The following PFKFB3 variants were observed in gnomAD, a reference collection of about 807,000 sequenced individuals.
PFKFB3 encodes the protein 6-phosphofructo-2-kinase/fructose-2,6-biphosphatase 3.
In PFKFB3, 33 loss-of-function variants were observed where a neutral mutation model predicts 68.0. The observed-to-expected ratio is 0.49, with a 90% CI of 0.37 to 0.65. PFKFB3 has a LOEUF of 0.65. PFKFB3 is among the 30% of genes least tolerant of loss of function. The pLI is 0.00. For synonymous variants in PFKFB3, 315 were observed against 288.2 expected (o/e 1.09, Z -0.94); for missense variants, 586 against 712.2 (o/e 0.82, Z 2.02).
the PFKFB3 span, among the ~76,000 whole-genome samples, chr10:6,287,726 G>A: frequency 2.6e-5 from 4 of 152,060 alleles, no homozygotes; most frequent in African/African-American, 9.7e-5. Context: ...TTATATGATT[G>A]CTGTCATTAA....
chr10:6,237,525 C>T (rs1208995546), downstream of PFKFB3, among the ~76,000 whole-genome samples: 3 of 152,206 alleles, frequency 2.0e-5, no homozygotes, highest in African/African-American at 7.2e-5. Flanking sequence ...AAATTCAAAG[C>T]CTTCTGTGAG....
At chr10:6,165,978 CTTTTT>C (rs35266127) in intron 1 of PFKFB3, among the ~76,000 whole-genome samples, 1 of 124,890 alleles carries the variant, frequency 8.0e-6, no homozygotes. Context: ...CCAGGCTCAA[CTTTTT>C]TTTTTTTTTT....
At chr10:6,198,467 A>T (rs1224449183), upstream of PFKFB3, among the ~76,000 whole-genome samples, 1 of 152,160 alleles carries the variant, frequency 6.6e-6, no homozygotes, top group Admixed American at 6.5e-5. Context: ...GGAGAAAAAT[A>T]TATGATATTT....
chr10:6,249,222 T>C (rs991501223), intron 14 of PFKFB3, among the ~76,000 whole-genome samples: 1 of 150,706 alleles, frequency 6.6e-6, no homozygotes, highest in African/African-American at 2.4e-5. Flanking sequence ...AAGGAAACCC[T>C]TGTACACTGT....
the PFKFB3 span, among the ~76,000 whole-genome samples, chr10:6,281,995 G>A: frequency 0.012 from 1,690 of 145,072 alleles, 29 homozygotes; most frequent in African/African-American, 0.041. Flanking sequence ...GTCTCACTAT[G>A]TTGCTCAGGC....
chr10:6,232,841 C>T (rs1845827440), intron 14 of PFKFB3, 54 bp from the exon 15 acceptor site: 3 of 1,384,346 alleles, frequency 2.2e-6, no homozygotes, highest in South Asian at 2.3e-5. Flanking sequence ...CTTTAGAATT[C>T]AGCCAGCTAC....
chr10:6,200,494 G>A (rs1454298864), upstream of PFKFB3, among the ~76,000 whole-genome samples: 1 of 152,042 alleles, frequency 6.6e-6, no homozygotes, highest in African/African-American at 2.4e-5. Flanking sequence ...TTGTTTATAA[G>A]TGATTTTGTA....
chr10:6,311,841 G>T, the PFKFB3 span, among the ~76,000 whole-genome samples: 1 of 152,218 alleles, frequency 6.6e-6, no homozygotes, highest in South Asian at 2.1e-4. Flanking sequence ...GCCTGAAAGT[G>T]TCGAAGTCAG....
the PFKFB3 span, among the ~76,000 whole-genome samples, chr10:6,282,153 G>T: frequency 6.6e-6 from 1 of 152,032 alleles, no homozygotes; most frequent in African/African-American, 2.4e-5. Flanking sequence ...TCATGAAAAT[G>T]ATCACAATGG....
At chr10:6,290,789 C>G in the PFKFB3 span, among the ~76,000 whole-genome samples, 1 of 152,182 alleles carries the variant, frequency 6.6e-6, no homozygotes, top group Non-Finnish European at 1.5e-5. Flanking sequence ...CAGGCATAAG[C>G]CACCACGCCT....
In PFKFB3 at chr10:6,228,001, G is replaced by A. The variant is rs767993378; in HGVS notation, c.1515+1636G>A. The stretch of plus-strand genomic sequence containing the variant: ...TGCACAGACCTCCGTCGTGGAGGAC[G>A]CAGTGGCAGGGGCTGCATCCTCCTG... On this transcript the variant is annotated intron_variant, in intron 14 of 14. Transcript: ENST00000379775. This position sits in a 1 kb window ranked among gnomAD's most constrained non-coding sequence, Gnocchi z 4.5. Among the ~76,000 whole-genome samples, 4 of 152,176 alleles carry A rather than the reference G, an allele frequency of 2.6e-5. No individual in the cohort carries two copies. The highest frequency in any genetic ancestry group is 2.1e-4 in the South Asian group (1 of 4,830).
chr10:6,286,897 C>T, the PFKFB3 span, among the ~76,000 whole-genome samples: 1 of 151,732 alleles, frequency 6.6e-6, no homozygotes, highest in Non-Finnish European at 1.5e-5. Context: ...AATTATATTT[C>T]TTCTTTAACC....
intron 1 of PFKFB3, among the ~76,000 whole-genome samples, chr10:6,206,586 C>T (rs1354128862): frequency 7.6e-6 from 1 of 132,040 alleles, no homozygotes; most frequent in Admixed American, 7.1e-5. Flanking sequence ...AGGGGCTGAC[C>T]CCCCCACCTC....
At position 6,225,052 on chromosome 10, in the gene PFKFB3, G is replaced by GA. The variant is rs1655440844; in HGVS notation, c.1341+839_1341+840insA. 6 of 451,460 alleles carry GA rather than the reference G, an allele frequency of 1.3e-5. No homozygotes were observed. The Middle Eastern group carries it at 1.9e-3, about 141-fold the overall frequency. 28.0% of individuals were successfully genotyped at this position (451,460 alleles called of 1,614,324 possible). A position where few individuals can be genotyped will look rare whatever the true frequency, so the allele number is the denominator to read the frequency against. On this transcript the variant is annotated intron_variant, in intron 13 of 14. Transcript: ENST00000379775. ...CCGTGCAGCTGCTGTCTACCTTGGG[G>GA]GGAGGCCTGACATTTGGAGGTGGGC...
At chr10:6,270,347 A>T in the PFKFB3 span, among the ~76,000 whole-genome samples, 1 of 152,136 alleles carries the variant, frequency 6.6e-6, no homozygotes, top group Non-Finnish European at 1.5e-5. Context: ...ACCTAATATT[A>T]CTCATTCTTC....
intron 14 of PFKFB3, among the ~76,000 whole-genome samples, chr10:6,226,684 G>C (rs1277224107): frequency 6.6e-6 from 1 of 152,226 alleles, no homozygotes; most frequent in Non-Finnish European, 1.5e-5. Context: ...AGAAGGAAGA[G>C]TGAGATGTCC....
At chr10:6,188,301 C>T (rs981959756) in intron 1 of PFKFB3, among the ~76,000 whole-genome samples, 1 of 151,642 alleles carries the variant, frequency 6.6e-6, no homozygotes, top group African/African-American at 2.4e-5. Flanking sequence ...CACCAATTTT[C>T]CCACTACTGC....
At chr10:6,202,198 C>A (rs17136780), upstream of PFKFB3, among the ~76,000 whole-genome samples, 1 of 152,242 alleles carries the variant, frequency 6.6e-6, no homozygotes, top group Non-Finnish European at 1.5e-5. Flanking sequence ...TCCAGCTCCC[C>A]GGGGCTTTCC....
intron 14 of PFKFB3, among the ~76,000 whole-genome samples, chr10:6,227,538 C>A (rs1469499188): frequency 6.6e-6 from 1 of 152,166 alleles, no homozygotes; most frequent in Non-Finnish European, 1.5e-5. Context: ...TTCATCCAGG[C>A]AATGGGGGAA....
Sources: gnomAD v4.1 joint callset for allele counts (sites outside exome capture counted in the v4.1 genomes callset) on GRCh38, gnomAD v4.1.1 for gene constraint, Gnocchi (gnomAD v3.1) non-coding constraint, MANE v1.5 for transcripts, NCBI Gene and HGNC (gene_info 2026-07-23, HGNC 2026-07-21) for gene names.